Variants in ZNF804B observed in about 807,000 individuals in gnomAD.
The protein encoded by ZNF804B is zinc finger 804B.
In ZNF804B, 80 loss-of-function variants were observed where a neutral mutation model predicts 101.4. The ratio of observed to expected loss-of-function variants is 0.79; its 90% CI spans 0.66 to 0.95. The LOEUF is 0.95. ZNF804B is among the 40% of genes least tolerant of loss of function. The probability of loss-of-function intolerance (pLI) is 0.00; values close to 1 mark genes in which losing one functional copy is unlikely to be tolerated. For synonymous variants in ZNF804B, 622 were observed against 558.8 expected (o/e 1.11, Z -1.59); for missense variants, 1,673 against 1,561.9 (o/e 1.07, Z -1.20).
At chr7:89,101,452 A>G (rs1790054307) in intron 1 of ZNF804B, among the ~76,000 whole-genome samples, 1 of 152,050 alleles carries the variant, frequency 6.6e-6, no homozygotes, top group Non-Finnish European at 1.5e-5. Flanking sequence ...TGTTTAAAAT[A>G]TAAAATTGGA....
chr7:88,760,106 A>G (rs1858848), intron 1 of ZNF804B, 22 bp downstream of exon 1: 432,551 of 1,582,076 alleles, frequency 0.27, 64,762 homozygotes, highest in African/African-American at 0.62. Context: ...GCGCACACAC[A>G]TACATACACA....
chr7:89,118,635 A>G (rs1485249536), intron 1 of ZNF804B, among the ~76,000 whole-genome samples: 2 of 152,212 alleles, frequency 1.3e-5, no homozygotes, highest in African/African-American at 4.8e-5. Context: ...ATGTTATTAA[A>G]TTAAGTTCCT....
At position 89,307,830 on chromosome 7, in the gene ZNF804B, A is replaced by G. The variant is rs560667617; in HGVS notation, c.250-19514A>G. ...AAATTCCACTCTGAAAATACAACCC[A>G]GTTTATTTAGGAACACAGATAACTC... On this transcript the variant is annotated intron_variant, in intron 2 of 3. Transcript: ENST00000333190. 2.0e-5 allele frequency among the ~76,000 whole-genome samples: 3 copies of G among 152,186 alleles called. No homozygotes were observed. The South Asian group carries it at 6.2e-4, about 31-fold the overall frequency.
chr7:88,938,308 A>G (rs1474008068), intron 1 of ZNF804B, among the ~76,000 whole-genome samples: 2 of 152,080 alleles, frequency 1.3e-5, no homozygotes, highest in East Asian at 1.9e-4. Flanking sequence ...AGTGTTTCCT[A>G]TTCAGATCTT....
At chr7:88,995,648 T>C (rs1054132096) in intron 1 of ZNF804B, among the ~76,000 whole-genome samples, 1 of 151,952 alleles carries the variant, frequency 6.6e-6, no homozygotes, top group Non-Finnish European at 1.5e-5. Context: ...AACTCCTCAC[T>C]CTTTAAGGGG....
intron 1 of ZNF804B, among the ~76,000 whole-genome samples, chr7:89,211,127 C>T (rs1282028380): frequency 6.6e-6 from 1 of 152,084 alleles, no homozygotes; most frequent in African/African-American, 2.4e-5. Flanking sequence ...GTTTATTGGC[C>T]ACATGAATGT....
At chr7:89,057,757 A>G (rs1231338695) in intron 1 of ZNF804B, among the ~76,000 whole-genome samples, 1 of 151,930 alleles carries the variant, frequency 6.6e-6, no homozygotes, top group Non-Finnish European at 1.5e-5. Context: ...AAGTGATGTG[A>G]TGTGTTTTAT....
rs541017588 is a variant in ZNF804B at position 89,337,675 on chromosome 7, T to C, written c.*643T>C. Among the ~76,000 whole-genome samples, 3 of 152,240 alleles carry C rather than the reference T, an allele frequency of 2.0e-5. No homozygotes were observed. In the South Asian group the frequency reaches 6.2e-4, roughly 32 times the overall value. ...ATTATCTTCATTTCACACAAATCTA[T>C]GTCAAGATAATTTTGTAATTGTAAG... is the stretch of plus-strand genomic sequence containing the variant. On this transcript the variant is annotated 3_prime_UTR_variant, in exon 4 of 4. Transcript: ENST00000333190.
At chr7:88,818,768 G>C (rs1373611517) in intron 1 of ZNF804B, among the ~76,000 whole-genome samples, 1 of 152,160 alleles carries the variant, frequency 6.6e-6, no homozygotes, top group Non-Finnish European at 1.5e-5. Context: ...TTGCCTCAGA[G>C]CTTTGATATC....
At chr7:89,215,851 T>C (rs1788885466) in intron 1 of ZNF804B, among the ~76,000 whole-genome samples, 1 of 150,528 alleles carries the variant, frequency 6.6e-6, no homozygotes, top group African/African-American at 2.4e-5. Context: ...GCCACTGCAC[T>C]CCAGCCTGGG....
At chr7:89,044,426 C>T (rs1218449023) in intron 1 of ZNF804B, among the ~76,000 whole-genome samples, 2 of 152,102 alleles carry the variant, frequency 1.3e-5, no homozygotes, top group Non-Finnish European at 2.9e-5. Flanking sequence ...TGGGGTGCTG[C>T]TGCAAAGATA....
chr7:89,242,109 C>A (rs1007380383), intron 2 of ZNF804B, among the ~76,000 whole-genome samples: 2 of 152,000 alleles, frequency 1.3e-5, no homozygotes, highest in East Asian at 1.9e-4. Context: ...ATCTCCTGAA[C>A]TGTTAACTTA....
intron 1 of ZNF804B, among the ~76,000 whole-genome samples, chr7:89,205,096 C>G (rs1788695979): frequency 6.6e-6 from 1 of 152,112 alleles, no homozygotes; most frequent in Non-Finnish European, 1.5e-5. Flanking sequence ...GGAGAACTCC[C>G]ATTTATAAAA....
intron 1 of ZNF804B, among the ~76,000 whole-genome samples, chr7:88,982,549 A>G (rs2116136081): frequency 6.6e-6 from 1 of 152,104 alleles, no homozygotes; most frequent in East Asian, 2.0e-4. Flanking sequence ...CTGTGCCCTC[A>G]CATAGTTGTC....
chr7:88,844,967 T>G (rs141114754), intron 1 of ZNF804B, among the ~76,000 whole-genome samples: 1 of 152,206 alleles, frequency 6.6e-6, no homozygotes, highest in Non-Finnish European at 1.5e-5. Context: ...GGAAGTTCTC[T>G]CATTAAAGCA....
At chr7:89,053,959 T>G (rs539703009) in intron 1 of ZNF804B, among the ~76,000 whole-genome samples, 1 of 152,170 alleles carries the variant, frequency 6.6e-6, no homozygotes, top group Non-Finnish European at 1.5e-5. Context: ...TATTTGTCAC[T>G]CACTATTCAA....
intron 2 of ZNF804B, among the ~76,000 whole-genome samples, chr7:89,233,115 A>G (rs1316308320): frequency 6.6e-6 from 1 of 151,204 alleles, no homozygotes; most frequent in Admixed American, 6.6e-5. Flanking sequence ...TTTAGTAGAG[A>G]CGGGGTTTCC....
intron 1 of ZNF804B, among the ~76,000 whole-genome samples, chr7:88,804,009 G>A (rs756748956): frequency 2.6e-5 from 4 of 152,038 alleles, no homozygotes; most frequent in Non-Finnish European, 5.9e-5. Flanking sequence ...CAGGAGAAAC[G>A]TTTAAAAGTT....
At chr7:88,957,357 G>A (rs1023757564) in intron 1 of ZNF804B, among the ~76,000 whole-genome samples, 6 of 151,362 alleles carry the variant, frequency 4.0e-5, no homozygotes, top group African/African-American at 1.5e-4. Flanking sequence ...AATACTTCTA[G>A]CATCAATGCA....
Sources: gnomAD v4.1 joint callset for allele counts (sites outside exome capture counted in the v4.1 genomes callset) on GRCh38, gnomAD v4.1.1 for gene constraint, MANE v1.5 for transcripts, NCBI Gene and HGNC (gene_info 2026-07-23, HGNC 2026-07-21) for gene names.